NOP58: variants seen among roughly 807,000 people sequenced by gnomAD.
NOP58 encodes NOP58 ribonucleoprotein.
Under a neutral mutation model 71.2 loss-of-function variants are expected in NOP58, and 44 were observed. That is an observed-to-expected ratio of 0.62 (90% confidence interval 0.49 to 0.79). NOP58 has a LOEUF of 0.79. Among genes scored for constraint, NOP58 ranks in the 30% least tolerant of loss-of-function variants. The pLI is 0.00. For synonymous variants in NOP58, 228 were observed against 200.3 expected, an observed-to-expected ratio of 1.14 and a Z score of -1.17; for missense variants, 538 against 620.2, an observed-to-expected ratio of 0.87 and a Z score of 1.41.
chr2:202,281,957 T>G (rs1268385584), intron 3 of NOP58, among the ~76,000 whole-genome samples: 1 of 152,204 alleles, frequency 6.6e-6, no homozygotes, highest in African/African-American at 2.4e-5. Context: ...TGAAAATGAT[T>G]ACACTCATTT....
intron 3 of NOP58, among the ~76,000 whole-genome samples, chr2:202,281,250 C>T (rs1688697993): frequency 6.6e-6 from 1 of 151,874 alleles, no homozygotes; most frequent in South Asian, 2.1e-4. Context: ...CCTCAGCCTC[C>T]CGAGTAGCTA....
rs13427503 is a variant in NOP58, at chr2:202,285,061, A to G, written c.434+580A>G. On this transcript the variant is annotated intron_variant, in intron 5 of 14. Coordinates refer to ENST00000264279, the MANE Select transcript of NOP58 (RefSeq NM_015934.5). ...TTTTGTTTTTGTTTTGTTTTTTTTG[A>G]GGCAGATTCTCACTCTGTCGCCCAG... is the stretch of plus-strand genomic sequence containing the variant. Among the ~76,000 whole-genome samples, 951 of 151,832 alleles carry G rather than the reference A, an allele frequency of 6.3e-3. 6 individuals are homozygous for G. The highest frequency in any genetic ancestry group is 0.022 in the African/African-American group (891 of 41,410).
chr2:202,303,189 G>T, intron 14 of NOP58, 132 bp downstream of exon 14: 2 of 1,300,710 alleles, frequency 1.5e-6, no homozygotes, highest in East Asian at 2.3e-5. Context: ...AAAGTGAAAT[G>T]GCTTTGTTGT....
intron 2 of NOP58, among the ~76,000 whole-genome samples, chr2:202,276,968 C>G (rs1227552781): frequency 6.6e-6 from 1 of 151,908 alleles, no homozygotes; most frequent in African/African-American, 2.4e-5. Flanking sequence ...GAAACCTCTT[C>G]TCTACTAAAA....
Position 202,298,076 on chromosome 2 carries a change from A to C in NOP58, c.1268+170A>C, listed in dbSNP as rs550604778. Among the ~76,000 whole-genome samples the C allele has an allele frequency of 1.1e-3, 171 of 152,300 alleles. 2 individuals carry two copies. In the Middle Eastern group the frequency reaches 0.027, roughly 24 times the overall value. On this transcript the variant is annotated intron_variant, in intron 12 of 14. Transcript: ENST00000264279. Reference sequence around the variant, plus strand: ...GTGTATGTTGTTTTGGAAAATGTGCACATTGAGGAATGATTAAGTCAAGCT... The same window carrying C: ...GTGTATGTTGTTTTGGAAAATGTGCCCATTGAGGAATGATTAAGTCAAGCT...
chr2:202,274,992 T>C (rs1688568166), intron 1 of NOP58, 121 bp from the exon 2 acceptor site: 2 of 550,788 alleles, frequency 3.6e-6, no homozygotes, highest in Non-Finnish European at 3.2e-6. Flanking sequence ...TAGTTCATTA[T>C]CTTAGTGAAA....
At position 202,290,411 on chromosome 2, in the gene NOP58, A is replaced by G. The variant is rs540613762; in HGVS notation, c.588A>G (p.Lys196=). 70 of 1,611,206 alleles carry G rather than the reference A, an allele frequency of 4.3e-5. 1 individual carries two copies. The South Asian group carries it at 7.3e-4, about 17-fold the overall frequency. The stretch of plus-strand genomic sequence containing the variant: ...GCTGGCATTTCCCTGAATTAGGAAA[A>G]ATTATTTCAGATAATTTAACATACT... The part of the protein sequence containing the change: ...WYGWHFPELG[K]IISDNLTYCK... Residue 196 remains lysine, a synonymous_variant, in exon 7 of 15, where the codon AAA becomes AAG. Transcript: ENST00000264279.
chr2:202,278,012 A>C lies in NOP58; in HGVS notation c.175+10A>C. 1 of 1,526,434 alleles carries C rather than the reference A, an allele frequency of 6.6e-7. No individual in the cohort carries two copies. 94.6% of individuals were successfully genotyped at this position (1,526,434 alleles called of 1,614,324 possible). A position where few individuals can be genotyped will look rare whatever the true frequency, so the allele number is the denominator to read the frequency against. On this transcript the variant is annotated intron_variant, in intron 3 of 14. Coordinates refer to ENST00000264279, the MANE Select transcript of NOP58 (RefSeq NM_015934.5). Reference sequence around the variant, plus strand: ...GCAGAAGCATTAGCAGGTAAAGTAAAAAATTAGAAGCTTGCTTTTTTGAAA... The same window carrying C: ...GCAGAAGCATTAGCAGGTAAAGTAACAAATTAGAAGCTTGCTTTTTTGAAA...
At chr2:202,272,743 A>T (rs13022208) in intron 1 of NOP58, among the ~76,000 whole-genome samples, 1 of 152,332 alleles carries the variant, frequency 6.6e-6, no homozygotes, top group African/African-American at 2.4e-5. Flanking sequence ...ACATGTATCA[A>T]ATAGGGGATA....
chr2:202,303,235 A>T, intron 14 of NOP58, 151 bp from the exon 15 acceptor site: 11 of 1,355,554 alleles, frequency 8.1e-6, no homozygotes, highest in Non-Finnish European at 1.1e-5. Flanking sequence ...CAAATCTAGA[A>T]TTTATTACTA....
intron 1 of NOP58, among the ~76,000 whole-genome samples, chr2:202,266,900 C>G (rs1688426110): frequency 6.6e-6 from 1 of 152,154 alleles, no homozygotes; most frequent in Non-Finnish European, 1.5e-5. Context: ...TTGGGCTGTG[C>G]GAAGCTTGCG....
intron 12 of NOP58, 115 bp downstream of exon 12, chr2:202,298,021 T>A: frequency 1.6e-6 from 1 of 628,504 alleles, no homozygotes; most frequent in Non-Finnish European, 2.7e-6. Context: ...CAAATTTATT[T>A]ATTTGACCAA....
intron 1 of NOP58, among the ~76,000 whole-genome samples, chr2:202,269,487 TC>T (rs141767163): frequency 2.0e-5 from 3 of 152,178 alleles, no homozygotes; most frequent in Non-Finnish European, 2.9e-5. Flanking sequence ...GGAAAACACT[TC>T]CAAAAAGTTA....
chr2:202,275,250 C>T lies in NOP58; in HGVS notation c.122+61C>T, dbSNP rs1226246109. ...CATTTAGGGCTTGTTTTATTTTTTA[C>T]ATTTTTCCCTGATTTATATAATGTT... On this transcript the variant is annotated intron_variant, in intron 2 of 14. Transcript: ENST00000264279. 3.6e-6 allele frequency: 3 copies of T among 837,992 alleles called. No homozygotes were observed. In the South Asian group the frequency reaches 4.9e-5, roughly 14 times the overall value. The allele number at this position is 837,992 out of a possible 1,614,324, so 51.9% of individuals were successfully genotyped here.
At chr2:202,273,111 C>G (rs1428564215) in intron 1 of NOP58, among the ~76,000 whole-genome samples, 2 of 150,650 alleles carry the variant, frequency 1.3e-5, no homozygotes, top group Non-Finnish European at 3.0e-5. Context: ...GGCGACAGAG[C>G]GAGACTCCGT....
intron 2 of NOP58, among the ~76,000 whole-genome samples, chr2:202,277,540 AT>A (rs962409708): frequency 2.0e-5 from 3 of 151,614 alleles, no homozygotes; most frequent in East Asian, 1.9e-4. Flanking sequence ...ACAATAAGCT[AT>A]TTTTTTTAAT....
chr2:202,300,983 T>C (rs141611385), intron 13 of NOP58, among the ~76,000 whole-genome samples: 1 of 152,206 alleles, frequency 6.6e-6, no homozygotes, highest in Non-Finnish European at 1.5e-5. Context: ...CAAAAGTATA[T>C]GATCTACAAA....
chr2:202,277,652 C>G (rs1688626444), intron 2 of NOP58, among the ~76,000 whole-genome samples: 1 of 152,152 alleles, frequency 6.6e-6, no homozygotes, highest in African/African-American at 2.4e-5. Flanking sequence ...AAAGTCATCT[C>G]TGTACAGCTT....
At chr2:202,283,730 C>T (rs952573043) in intron 4 of NOP58, among the ~76,000 whole-genome samples, 5 of 151,972 alleles carry the variant, frequency 3.3e-5, no homozygotes, top group South Asian at 2.1e-4. Context: ...TGAGCCACCG[C>T]GCCTGGCATA....
Sources: gnomAD v4.1 joint callset for allele counts (sites outside exome capture counted in the v4.1 genomes callset) on GRCh38, gnomAD v4.1.1 for gene constraint, MANE v1.5 for transcripts, NCBI Gene and HGNC (gene_info 2026-07-23, HGNC 2026-07-21) for gene names.